GABRG3: variants seen among roughly 807,000 people sequenced by gnomAD.
The protein encoded by GABRG3 is gamma-aminobutyric acid type A receptor subunit gamma3, also known as gamma-aminobutyric acid receptor subunit gamma-3.
A neutral mutation model predicts 48.8 loss-of-function variants in GABRG3; 25 were observed. The observed-to-expected ratio is 0.51, with a 90% CI of 0.37 to 0.72. GABRG3 has a LOEUF of 0.72. Ranked by LOEUF, GABRG3 falls within the 30% of genes least tolerant of loss-of-function variation. GABRG3 has a pLI of 0.00. For missense variants in GABRG3, 394 were observed against 577.9 expected (o/e 0.68, Z 3.26); for synonymous variants, 227 against 217.6 (o/e 1.04, Z -0.38).
At chr15:27,118,237 G>T (rs1897675383) in intron 3 of GABRG3, among the ~76,000 whole-genome samples, 1 of 152,100 alleles carries the variant, frequency 6.6e-6, no homozygotes, top group Non-Finnish European at 1.5e-5. Flanking sequence ...AGTGACCATG[G>T]TTCTCCAAGG....
chr15:27,327,384 G>A (rs1893651161), intron 4 of GABRG3, among the ~76,000 whole-genome samples: 1 of 152,170 alleles, frequency 6.6e-6, no homozygotes, highest in African/African-American at 2.4e-5. Flanking sequence ...ACAAGGAAGA[G>A]GGGCAGAGTC....
intron 3 of GABRG3, among the ~76,000 whole-genome samples, chr15:27,291,224 T>C (rs1468856943): frequency 1.3e-5 from 2 of 152,228 alleles, no homozygotes; most frequent in Non-Finnish European, 2.9e-5. Context: ...CATAACTGAG[T>C]ATTCTAAAGT....
chr15:27,220,998 T>TTC (rs150618665), intron 3 of GABRG3, among the ~76,000 whole-genome samples: 1,608 of 152,068 alleles, frequency 0.011, 37 homozygotes, highest in African/African-American at 0.037. Flanking sequence ...CTTCTTTTTT[T>TTC]TTTCTTTTTT....
At chr15:27,012,604 G>A (rs542950721) in intron 2 of GABRG3, among the ~76,000 whole-genome samples, 3 of 152,058 alleles carry the variant, frequency 2.0e-5, no homozygotes, top group Non-Finnish European at 2.9e-5. Flanking sequence ...AACTCTATAG[G>A]AAGGAATGGA....
At chr15:27,207,642 T>G (rs532215173) in intron 3 of GABRG3, among the ~76,000 whole-genome samples, 40 of 152,270 alleles carry the variant, frequency 2.6e-4, no homozygotes, top group Middle Eastern at 3.4e-3. Flanking sequence ...GTGGAAACTG[T>G]GGGGGACACC....
Position 27,427,005 on chromosome 15 carries a change from C to T in GABRG3, c.575-53645C>T, listed in dbSNP as rs557591554. Among the ~76,000 whole-genome samples the T allele has an allele frequency of 2.0e-4, 30 of 152,196 alleles. No individual in the cohort carries two copies. The South Asian group carries it at 2.3e-3, about 12-fold the overall frequency. ...TTTTTTGAAGAGCTCTGAATGACAA[C>T]CAAACATCTGATGTTTGGGCTCCAT... On this transcript the variant is annotated intron_variant, in intron 5 of 9. Coordinates refer to ENST00000615808, the MANE Select transcript of GABRG3 (RefSeq NM_033223.5).
chr15:27,176,030 A>G (rs1000204164), intron 3 of GABRG3, among the ~76,000 whole-genome samples: 20 of 144,018 alleles, frequency 1.4e-4, no homozygotes, highest in Non-Finnish European at 2.3e-4. Context: ...TATGCTGGGA[A>G]AAAAAAAAAA....
chr15:27,229,130 CT>C (rs1889716120), intron 3 of GABRG3, among the ~76,000 whole-genome samples: 1 of 152,090 alleles, frequency 6.6e-6, no homozygotes, highest in Admixed American at 6.5e-5. Context: ...TTGTCACGAA[CT>C]TTTTGCCCGT....
At chr15:27,057,263 T>C (rs1896564869) in intron 3 of GABRG3, among the ~76,000 whole-genome samples, 2 of 152,128 alleles carry the variant, frequency 1.3e-5, no homozygotes, top group Non-Finnish European at 1.5e-5. Context: ...ACAACTTCAA[T>C]AAAGAAGTTT....
rs549633985 is a variant in GABRG3 at position 27,397,459 on chromosome 15, T to G, written c.574+68571T>G. Among the ~76,000 whole-genome samples the G allele has an allele frequency of 2.0e-5, 3 of 152,294 alleles. No individual in the cohort carries two copies. The South Asian group carries it at 6.2e-4, about 32-fold the overall frequency. On this transcript the variant is annotated intron_variant, in intron 5 of 9. Coordinates refer to ENST00000615808, the MANE Select transcript of GABRG3 (RefSeq NM_033223.5). Reference sequence around the variant, plus strand: ...ATATTCACCATCATTAGGACCTACCTCACGTAATTAACTTTACTTTAAACT... The same window carrying G: ...ATATTCACCATCATTAGGACCTACCGCACGTAATTAACTTTACTTTAAACT...
intron 3 of GABRG3, among the ~76,000 whole-genome samples, chr15:27,188,765 C>T (rs1395472613): frequency 2.6e-5 from 4 of 152,150 alleles, no homozygotes; most frequent in African/African-American, 9.7e-5. Context: ...GCTTTTGTTG[C>T]CATTGCTTTT....
chr15:27,318,872 C>T lies in GABRG3; in HGVS notation c.271-7937C>T, dbSNP rs1893323298. Among the ~76,000 whole-genome samples the T allele has an allele frequency of 2.6e-5, 4 of 152,102 alleles. No individual in the cohort carries two copies. The South Asian group carries it at 6.2e-4, about 24-fold the overall frequency. ...AACCATTTGGACCAGAGCACAGAAG[C>T]GTGGTTACCAGGACCTGGGAACAGA... On this transcript the variant is annotated intron_variant, in intron 3 of 9. Coordinates refer to ENST00000615808, the MANE Select transcript of GABRG3 (RefSeq NM_033223.5).
intron 3 of GABRG3, among the ~76,000 whole-genome samples, chr15:27,235,201 G>A (rs1889918836): frequency 6.6e-6 from 1 of 152,102 alleles, no homozygotes; most frequent in South Asian, 2.1e-4. Flanking sequence ...CACATTTTTT[G>A]TAAGAAATAA....
At chr15:27,435,200 T>C (rs1199567305) in intron 5 of GABRG3, among the ~76,000 whole-genome samples, 1 of 148,850 alleles carries the variant, frequency 6.7e-6, no homozygotes, top group African/African-American at 2.4e-5. Flanking sequence ...TTTTATATTT[T>C]ATATATAATT....
At chr15:27,400,723 G>A (rs1566824532) in intron 5 of GABRG3, among the ~76,000 whole-genome samples, 1 of 152,180 alleles carries the variant, frequency 6.6e-6, no homozygotes, top group Non-Finnish European at 1.5e-5. Context: ...CTCCAGATGA[G>A]CTTATCAGAC....
intron 3 of GABRG3, among the ~76,000 whole-genome samples, chr15:27,035,249 A>G (rs1896155991): frequency 6.6e-6 from 1 of 152,204 alleles, no homozygotes; most frequent in Non-Finnish European, 1.5e-5. Context: ...ACCATTTTAT[A>G]CAAAATGTCA....
At chr15:27,038,712 G>A (rs1302663250) in intron 3 of GABRG3, among the ~76,000 whole-genome samples, 2 of 152,204 alleles carry the variant, frequency 1.3e-5, no homozygotes, top group Non-Finnish European at 2.9e-5. Context: ...ACCATGCAGT[G>A]TGGCCTCTCA....
At position 27,532,692 on chromosome 15, in the gene GABRG3, C is replaced by G. The variant is rs1157728643; in HGVS notation, c.1215C>G (p.Val405=). 6.2e-7 allele frequency: 1 copy of G among 1,613,996 alleles called. No individual in the cohort carries two copies. The highest frequency in any genetic ancestry group is 1.7e-5 in the Admixed American group (1 of 60,020). Residue 405 remains valine, a synonymous_variant, in exon 10 of 10, where the codon GTC becomes GTG. Transcript: ENST00000615808. ...GGCAGGAATTTGAAGATACCTGTGT[C>G]TATGAGTGTCTGGATGGCAAAGACT... The part of the protein sequence containing the change: ...VYWQEFEDTC[V]YECLDGKDCQ...
At chr15:27,527,679 G>C (rs1595812822) in intron 8 of GABRG3, 50 bp downstream of exon 8, 1 of 1,481,462 alleles carries the variant, frequency 6.8e-7, no homozygotes, top group East Asian at 2.4e-5. Flanking sequence ...GGCGCTGTTT[G>C]AGATGAGTGT....
Sources: gnomAD v4.1 joint callset for allele counts (sites outside exome capture counted in the v4.1 genomes callset) on GRCh38, gnomAD v4.1.1 for gene constraint, MANE v1.5 for transcripts, NCBI Gene and HGNC (gene_info 2026-07-23, HGNC 2026-07-21) for gene names.